The following ANO3 variants were observed in gnomAD, a reference collection of about 807,000 sequenced individuals.
ANO3 encodes the protein anoctamin-3.
Under a neutral mutation model 144.8 loss-of-function variants are expected in ANO3, and 99 were observed. The observed-to-expected ratio is 0.68, with a 90% CI of 0.58 to 0.81. The LOEUF is 0.81. ANO3 is among the 30% of genes least tolerant of loss of function. ANO3 has a pLI of 0.00. For synonymous variants in ANO3, 414 were observed against 392.6 expected, an observed-to-expected ratio of 1.05 and a Z score of -0.64; for missense variants, 905 against 1,202.2, an observed-to-expected ratio of 0.75 and a Z score of 3.66.
chr11:26,234,187 T>G (rs999851846), intron 1 of ANO3, among the ~76,000 whole-genome samples: 6 of 152,236 alleles, frequency 3.9e-5, no homozygotes, highest in Non-Finnish European at 8.8e-5. Context: ...TTGTTAATAG[T>G]TTGGTAACCA....
chr11:26,321,419 G>T (rs1446564016), intron 1 of ANO3, among the ~76,000 whole-genome samples: 2 of 151,952 alleles, frequency 1.3e-5, no homozygotes, highest in Admixed American at 1.3e-4. Flanking sequence ...CCTGGAAAGT[G>T]TATTATTATT....
rs2132930240 is a variant in ANO3 at position 26,599,715 on chromosome 11, G to A, written c.1836+1G>A. 1 of 1,613,192 alleles carries A rather than the reference G, an allele frequency of 6.2e-7. No homozygotes were observed. The highest frequency in any genetic ancestry group is 1.1e-5 in the South Asian group (1 of 90,978). On this transcript the variant is annotated splice_donor_variant, in intron 17 of 26. Transcript: ENST00000256737. LOFTEE classifies it high-confidence loss of function. ...CATAATCATTATGTTGCTGAATCTTGTAAGTGTCTATAATGTTATTCTTCA... is the reference window on the plus strand; with the variant it reads ...CATAATCATTATGTTGCTGAATCTTATAAGTGTCTATAATGTTATTCTTCA...
chr11:26,238,723 C>T (rs372243358), intron 1 of ANO3, among the ~76,000 whole-genome samples: 7 of 151,792 alleles, frequency 4.6e-5, no homozygotes, highest in East Asian at 1.9e-4. Context: ...AGAAGGTGAT[C>T]GATGTGTATG....
At chr11:26,288,082 T>C (rs945030680) in intron 1 of ANO3, 1 of 152,608 alleles carries the variant, frequency 6.6e-6, no homozygotes, top group East Asian at 1.9e-4. Flanking sequence ...AATCAAATGA[T>C]TCTGAAAGGC....
chr11:26,305,637 A>G (rs973954357), upstream of ANO3, among the ~76,000 whole-genome samples: 6 of 152,224 alleles, frequency 3.9e-5, no homozygotes, highest in African/African-American at 1.4e-4. Flanking sequence ...TATGTTTCTA[A>G]AGATGAACTA....
chr11:26,533,623 G>A (rs10767547), intron 8 of ANO3, among the ~76,000 whole-genome samples: 83,042 of 151,664 alleles, frequency 0.55, 23,484 homozygotes, highest in East Asian at 0.79. Context: ...TAAAGGTCAG[G>A]TGGGAAAACG....
intron 18 of ANO3, among the ~76,000 whole-genome samples, chr11:26,626,026 G>A (rs1328945764): frequency 2.0e-5 from 3 of 152,148 alleles, no homozygotes; most frequent in Admixed American, 1.3e-4. Context: ...GAATTTTGAA[G>A]GAGTTTCATT....
intron 14 of ANO3, among the ~76,000 whole-genome samples, chr11:26,584,049 T>C (rs531527126): frequency 6.6e-6 from 1 of 152,336 alleles, no homozygotes; most frequent in Admixed American, 6.5e-5. Flanking sequence ...TCAAAACTTG[T>C]TAAGCAATAA....
chr11:26,362,376 T>C (rs1855950700), intron 1 of ANO3, among the ~76,000 whole-genome samples: 1 of 152,170 alleles, frequency 6.6e-6, no homozygotes, highest in African/African-American at 2.4e-5. Flanking sequence ...TTAAGTAAGT[T>C]CGGATTGTTC....
chr11:26,413,228 C>A (rs1857479918), intron 1 of ANO3, among the ~76,000 whole-genome samples: 1 of 151,958 alleles, frequency 6.6e-6, no homozygotes, highest in African/African-American at 2.4e-5. Flanking sequence ...CTGCCTGGTT[C>A]AATCACACCC....
chr11:26,275,604 A>G (rs1853540663), intron 1 of ANO3, among the ~76,000 whole-genome samples: 1 of 152,122 alleles, frequency 6.6e-6, no homozygotes, highest in Non-Finnish European at 1.5e-5. Flanking sequence ...TGGAGGCAGG[A>G]GTTAATGCTG....
At chr11:26,314,645 C>A (rs991406647) in intron 1 of ANO3, among the ~76,000 whole-genome samples, 7 of 152,176 alleles carry the variant, frequency 4.6e-5, no homozygotes, top group Non-Finnish European at 8.8e-5. Flanking sequence ...CCAGGTTTGT[C>A]TGGAGCCTCT....
At chr11:26,445,869 T>C (rs933765960) in intron 3 of ANO3, among the ~76,000 whole-genome samples, 17 of 152,096 alleles carry the variant, frequency 1.1e-4, no homozygotes, top group Non-Finnish European at 2.2e-4. Flanking sequence ...TGTTTCTCTC[T>C]TGCGCAGGCT....
intron 7 of ANO3, among the ~76,000 whole-genome samples, chr11:26,525,908 T>C (rs1270268553): frequency 3.9e-5 from 6 of 152,026 alleles, no homozygotes; most frequent in Admixed American, 1.3e-4. Context: ...CATGTTATAA[T>C]GTTATGGAAG....
chr11:26,508,740 A>G (rs1861532250), intron 5 of ANO3: 1 of 153,416 alleles, frequency 6.5e-6, no homozygotes, highest in Admixed American at 6.5e-5. Flanking sequence ...AAAAATAGAA[A>G]GAAGGAAAAG....
At chr11:26,561,110 A>G in intron 14 of ANO3, 1 of 1,612,846 alleles carries the variant, frequency 6.2e-7, no homozygotes, top group Non-Finnish European at 8.5e-7. Flanking sequence ...TAGGAATGCC[A>G]TCACGTGCAT....
chr11:26,247,489 A>G (rs1204326920), intron 1 of ANO3, among the ~76,000 whole-genome samples: 1 of 152,220 alleles, frequency 6.6e-6, no homozygotes, highest in Non-Finnish European at 1.5e-5. Flanking sequence ...CATCAGTCAC[A>G]CAGTGACTAT....
intron 1 of ANO3, among the ~76,000 whole-genome samples, chr11:26,376,219 C>T (rs1194529569): frequency 2.0e-5 from 3 of 152,064 alleles, no homozygotes; most frequent in African/African-American, 7.2e-5. Context: ...AACCTTTCAA[C>T]AACAGCCTTC....
chr11:26,259,150 G>A (rs543487660), intron 1 of ANO3, among the ~76,000 whole-genome samples: 2 of 152,238 alleles, frequency 1.3e-5, no homozygotes, highest in South Asian at 4.1e-4. Flanking sequence ...CAAAATCCAG[G>A]AATTTTATAT....
Sources: gnomAD v4.1 joint callset for allele counts (sites outside exome capture counted in the v4.1 genomes callset) on GRCh38, gnomAD v4.1.1 for gene constraint, MANE v1.5 for transcripts, NCBI Gene and HGNC (gene_info 2026-07-23, HGNC 2026-07-21) for gene names.